NAV3: variants seen among roughly 807,000 people sequenced by gnomAD.
The protein encoded by NAV3 is neuron navigator 3.
A neutral mutation model predicts 244.7 loss-of-function variants in NAV3; 87 were observed. The observed-to-expected ratio is 0.36, with a 90% confidence interval of 0.30 to 0.42. The LOEUF is 0.42. NAV3 is among the 20% of genes least tolerant of loss of function. The pLI, the probability that NAV3 is intolerant of heterozygous loss-of-function variation, is 1.00. For synonymous variants in NAV3, 1,126 were observed against 1,042.2 expected, an observed-to-expected ratio of 1.08 and a Z score of -1.55; for missense variants, 2,663 against 2,893.3, an observed-to-expected ratio of 0.92 and a Z score of 1.83.
intron 2 of NAV3, among the ~76,000 whole-genome samples, chr12:77,575,402 T>G (rs1869032314): frequency 6.6e-6 from 1 of 152,114 alleles, no homozygotes; most frequent in Non-Finnish European, 1.5e-5. Context: ...ATTTTTTCAG[T>G]AGAACTTTCA....
chr12:78,122,534 C>T, intron 16 of NAV3, 106 bp downstream of exon 16: 1 of 1,354,930 alleles, frequency 7.4e-7, no homozygotes, highest in Non-Finnish European at 9.9e-7. Context: ...TGCCCCGGTG[C>T]AAAAAGATGT....
chr12:77,725,059 G>A (rs1316748549), intron 2 of NAV3, among the ~76,000 whole-genome samples: 2 of 151,950 alleles, frequency 1.3e-5, no homozygotes, highest in African/African-American at 4.8e-5. Context: ...ATATCACCAG[G>A]TGTCTGTGTG....
In NAV3 at chr12:77,743,991, T is replaced by C. The variant is rs191240974; in HGVS notation, c.72+171725T>C. On this transcript the variant is annotated intron_variant, in intron 2 of 8. Transcript: ENST00000550042. The stretch of plus-strand genomic sequence containing the variant: ...TGTCAGACTTAATATTATTAAGTTG[T>C]CATTTTTAACTGAAATGATCTCTAG... 4.9e-4 allele frequency among the ~76,000 whole-genome samples: 74 copies of C among 152,036 alleles called. No individual in the cohort carries two copies. The East Asian group carries it at 7.1e-3, about 15-fold the overall frequency.
intron 2 of NAV3, among the ~76,000 whole-genome samples, chr12:77,602,647 A>AG (rs753763856): frequency 1.4e-4 from 22 of 151,798 alleles, no homozygotes; most frequent in Non-Finnish European, 5.9e-5. Context: ...GCAGACAGAT[A>AG]GGGGGGAATG....
chr12:77,777,806 T>C (rs1376674559), intron 2 of NAV3, among the ~76,000 whole-genome samples: 1 of 122,904 alleles, frequency 8.1e-6, no homozygotes, highest in African/African-American at 2.6e-5. Flanking sequence ...ACTTTTTTTT[T>C]CTTTTTTCTT....
chr12:77,580,218 G>GAA lies in NAV3; in HGVS notation c.72+7953_72+7954dup, dbSNP rs201096535. Among the ~76,000 whole-genome samples the GAA allele has an allele frequency of 4.7e-3, 461 of 98,524 alleles. 4 individuals carry two copies. The highest frequency in any genetic ancestry group is 1.0e-2 in the South Asian group (26 of 2,610). 64.6% of individuals were successfully genotyped at this position (98,524 alleles called of 152,430 possible). A position where few individuals can be genotyped will look rare whatever the true frequency, so the allele number is the denominator to read the frequency against. ...CTTTCTTTATTTGGGGGTAGGGTGGGAACACACACACACACACACACACAC... is the reference window on the plus strand; with the variant it reads ...CTTTCTTTATTTGGGGGTAGGGTGGGAAAACACACACACACACACACACACAC... On this transcript the variant is annotated intron_variant, in intron 2 of 8. Transcript: ENST00000550042.
At chr12:77,909,150 C>G (rs533112970) in intron 1 of NAV3, among the ~76,000 whole-genome samples, 2 of 152,052 alleles carry the variant, frequency 1.3e-5, no homozygotes, top group East Asian at 3.9e-4. Context: ...AATGTGGCTA[C>G]CGTTTTTGCT....
At chr12:77,733,904 A>AGAGGT (rs1269185859) in intron 2 of NAV3, among the ~76,000 whole-genome samples, 3 of 145,266 alleles carry the variant, frequency 2.1e-5, no homozygotes, top group Admixed American at 1.4e-4. Context: ...TAAATAAATG[A>AGAGGT]GAGGTGAGGG....
intron 2 of NAV3, among the ~76,000 whole-genome samples, chr12:77,822,404 CT>C (rs2136035257): frequency 6.6e-6 from 1 of 152,328 alleles, no homozygotes; most frequent in East Asian, 1.9e-4. Context: ...AAAGACACAT[CT>C]TGGCATATTG....
At chr12:78,179,761 G>T in intron 29 of NAV3, 79 bp downstream of exon 29, 1 of 1,465,834 alleles carries the variant, frequency 6.8e-7, no homozygotes, top group Non-Finnish European at 9.2e-7. Context: ...GGTTAACACA[G>T]AATAAATTCC....
At chr12:77,675,676 A>T (rs1215612662) in intron 2 of NAV3, among the ~76,000 whole-genome samples, 1 of 152,166 alleles carries the variant, frequency 6.6e-6, no homozygotes, top group African/African-American at 2.4e-5. Context: ...TCTCATTTAG[A>T]TAAAAATGTG....
At chr12:77,836,479 T>G (rs1874656680) in intron 1 of NAV3, among the ~76,000 whole-genome samples, 1 of 152,234 alleles carries the variant, frequency 6.6e-6, no homozygotes, top group African/African-American at 2.4e-5. Flanking sequence ...ACAAGCCTTG[T>G]ATTTTATAGA....
intron 1 of NAV3, among the ~76,000 whole-genome samples, chr12:77,855,795 G>A (rs1878309977): frequency 1.3e-5 from 2 of 152,182 alleles, no homozygotes. Context: ...TGAGTGAGTC[G>A]TTGACTGCCA....
chr12:77,747,338 A>G (rs1338848748), intron 2 of NAV3, among the ~76,000 whole-genome samples: 1 of 152,154 alleles, frequency 6.6e-6, no homozygotes, highest in East Asian at 1.9e-4. Context: ...ATGAGATACC[A>G]TCTCACACCA....
intron 2 of NAV3, among the ~76,000 whole-genome samples, chr12:77,592,151 C>A (rs1313760474): frequency 3.3e-5 from 5 of 152,074 alleles, no homozygotes; most frequent in African/African-American, 4.8e-5. Flanking sequence ...AATTGAAGGC[C>A]AGCTGCTGCC....
intron 12 of NAV3, among the ~76,000 whole-genome samples, chr12:78,105,198 C>A (rs1954741248): frequency 6.6e-6 from 1 of 152,036 alleles, no homozygotes; most frequent in African/African-American, 2.4e-5. Context: ...TTTGATGGGA[C>A]AGAAATGTTA....
At chr12:77,663,681 C>G (rs1241938678) in intron 2 of NAV3, among the ~76,000 whole-genome samples, 1 of 152,078 alleles carries the variant, frequency 6.6e-6, no homozygotes, top group Non-Finnish European at 1.5e-5. Context: ...ACCACCATGC[C>G]CAGCTAATTT....
At chr12:77,584,350 T>G (rs1869502278) in intron 2 of NAV3, among the ~76,000 whole-genome samples, 1 of 152,226 alleles carries the variant, frequency 6.6e-6, no homozygotes, top group African/African-American at 2.4e-5. Flanking sequence ...TTGTGATTTT[T>G]TTAATAAAAG....
intron 20 of NAV3, among the ~76,000 whole-genome samples, chr12:78,144,125 A>G (rs527388985): frequency 9.2e-5 from 14 of 152,310 alleles, no homozygotes; most frequent in Non-Finnish European, 1.8e-4. Context: ...TTAACTGTAT[A>G]TTAAAAACTA....
Sources: gnomAD v4.1 joint callset for allele counts (sites outside exome capture counted in the v4.1 genomes callset) on GRCh38, gnomAD v4.1.1 for gene constraint, MANE v1.5 for transcripts, NCBI Gene and HGNC (gene_info 2026-07-23, HGNC 2026-07-21) for gene names.